Variants in MAP2K4 observed in about 807,000 individuals in gnomAD.
The protein encoded by MAP2K4 is dual specificity mitogen-activated protein kinase kinase 4.
A neutral mutation model predicts 48.5 loss-of-function variants in MAP2K4; 4 were observed. That is an observed-to-expected ratio of 0.08 (90% CI 0.04 to 0.19). The LOEUF (loss-of-function observed/expected upper bound fraction) is 0.19. MAP2K4 is among the 10% of genes least tolerant of loss of function. MAP2K4 has a pLI of 1.00. For missense variants in MAP2K4, 258 were observed against 493.3 expected, an observed-to-expected ratio of 0.52 and a Z score of 4.52; for synonymous variants, 166 against 173.1, an observed-to-expected ratio of 0.96 and a Z score of 0.32.
At chr17:12,118,547 T>C (rs572526250) in intron 7 of MAP2K4, among the ~76,000 whole-genome samples, 3 of 152,338 alleles carry the variant, frequency 2.0e-5, no homozygotes, top group Admixed American at 6.5e-5. Context: ...GTGAAAGATT[T>C]TGTTATCCAT....
Position 12,025,908 on chromosome 17 carries a change from A to G in MAP2K4, c.115+4907A>G, listed in dbSNP as rs947714748. 3.9e-5 allele frequency among the ~76,000 whole-genome samples: 6 copies of G among 152,144 alleles called. No homozygotes were observed. In the South Asian group the frequency reaches 6.2e-4, roughly 16 times the overall value. On this transcript the variant is annotated intron_variant, in intron 1 of 10. Coordinates refer to ENST00000353533, the MANE Select transcript of MAP2K4 (RefSeq NM_003010.4). ...TTTTCGAGAACCATGGGAGACCTTTATCTTAATTTTAAAGAACTGATTTGT... is the reference window on the plus strand; with the variant it reads ...TTTTCGAGAACCATGGGAGACCTTTGTCTTAATTTTAAAGAACTGATTTGT...
intron 1 of MAP2K4, among the ~76,000 whole-genome samples, chr17:12,054,426 C>T (rs1044987087): frequency 4.6e-5 from 7 of 152,040 alleles, no homozygotes; most frequent in Non-Finnish European, 7.4e-5. Flanking sequence ...GAAGTTTACT[C>T]TACCGTAATG....
intron 2 of MAP2K4, among the ~76,000 whole-genome samples, chr17:12,076,051 G>T (rs1213103654): frequency 1.3e-5 from 2 of 152,108 alleles, no homozygotes; most frequent in Non-Finnish European, 2.9e-5. Context: ...TACTGCTGCT[G>T]AATTTGCACA....
intron 5 of MAP2K4, among the ~76,000 whole-genome samples, chr17:12,108,557 T>TTTGTG (rs28923216): frequency 6.6e-6 from 1 of 151,418 alleles, no homozygotes; most frequent in Non-Finnish European, 1.5e-5. Context: ...CTCTGAATCT[T>TTTGTG]AATTTTTTTT....
At chr17:12,070,427 A>T (rs1421542774) in intron 2 of MAP2K4, among the ~76,000 whole-genome samples, 1 of 152,072 alleles carries the variant, frequency 6.6e-6, no homozygotes, top group Non-Finnish European at 1.5e-5. Context: ...CCCTAATTCC[A>T]CTCTCTGTTG....
chr17:12,102,745 C>T (rs1000999777), intron 4 of MAP2K4, among the ~76,000 whole-genome samples: 4 of 151,912 alleles, frequency 2.6e-5, no homozygotes, highest in Admixed American at 6.6e-5. Context: ...GTCGAGTGAT[C>T]TTTGGTATTT....
intron 1 of MAP2K4, among the ~76,000 whole-genome samples, chr17:12,035,102 C>T (rs1250350836): frequency 6.6e-6 from 1 of 152,132 alleles, no homozygotes; most frequent in Non-Finnish European, 1.5e-5. Context: ...TAAATCTGGT[C>T]CTGTGATTTG....
intron 2 of MAP2K4, among the ~76,000 whole-genome samples, chr17:12,080,824 A>G (rs559599274): frequency 9.8e-4 from 150 of 152,300 alleles, no homozygotes; most frequent in Non-Finnish European, 1.6e-3. Context: ...TGTAATTGCT[A>G]TGGGACGATA....
intron 2 of MAP2K4, among the ~76,000 whole-genome samples, chr17:12,065,318 A>G (rs1159808690): frequency 1.3e-4 from 14 of 108,784 alleles, no homozygotes; most frequent in Admixed American, 7.9e-4. Flanking sequence ...TTTTTTTTTG[A>G]GACAGAGTCT....
intron 1 of MAP2K4, among the ~76,000 whole-genome samples, chr17:12,047,680 TCAAA>T (rs1402167471): frequency 4.6e-5 from 7 of 152,244 alleles, no homozygotes; most frequent in South Asian, 4.1e-4. Flanking sequence ...TTAAACGCTA[TCAAA>T]CAAACATTTT....
In MAP2K4 at chr17:12,071,192, G is replaced by A. The variant is rs540284729; in HGVS notation, c.219-10164G>A. Reference sequence around the variant, plus strand: ...TTTTTTGAGATCTTTAATTTTATCCGTAAAGATAGGTTACTTTCTGAGATT... The same window carrying A: ...TTTTTTGAGATCTTTAATTTTATCCATAAAGATAGGTTACTTTCTGAGATT... On this transcript the variant is annotated intron_variant, in intron 2 of 10. Coordinates refer to ENST00000353533, the MANE Select transcript of MAP2K4 (RefSeq NM_003010.4). Among the ~76,000 whole-genome samples the A allele has an allele frequency of 3.3e-5, 5 of 152,208 alleles. No individual in the cohort carries two copies. The East Asian group carries it at 5.8e-4, about 18-fold the overall frequency.
intron 3 of MAP2K4, among the ~76,000 whole-genome samples, chr17:12,086,882 C>T (rs907796567): frequency 4.3e-4 from 65 of 151,838 alleles, no homozygotes; most frequent in African/African-American, 1.4e-3. Context: ...AGTTTCACTG[C>T]GTCGCCCAGG....
At chr17:12,078,228 C>G (rs1167088752) in intron 2 of MAP2K4, among the ~76,000 whole-genome samples, 1 of 152,132 alleles carries the variant, frequency 6.6e-6, no homozygotes, top group Non-Finnish European at 1.5e-5. Context: ...TAGTTACTGC[C>G]ACAGCGGCTG....
In MAP2K4 at chr17:12,112,053, C is replaced by G. The variant is rs143537638; in HGVS notation, c.686-1180C>G. On this transcript the variant is annotated intron_variant, in intron 6 of 10. Transcript: ENST00000353533. ...GAAGTGCCTCATGCCCTTAAACCAGCTACTATCAAGAAGCATGAGACTACC... is the reference window on the plus strand; with the variant it reads ...GAAGTGCCTCATGCCCTTAAACCAGGTACTATCAAGAAGCATGAGACTACC... Among the ~76,000 whole-genome samples the G allele has an allele frequency of 9.9e-5, 15 of 152,284 alleles. No individual in the cohort carries two copies. The East Asian group carries it at 2.9e-3, about 29-fold the overall frequency.
chr17:12,099,998 A>G (rs1971886233), intron 4 of MAP2K4, among the ~76,000 whole-genome samples: 1 of 152,068 alleles, frequency 6.6e-6, no homozygotes, highest in South Asian at 2.1e-4. Context: ...CCCCTTTTTT[A>G]TCCTTACTTC....
chr17:12,066,835 G>C (rs1223173965), intron 2 of MAP2K4, among the ~76,000 whole-genome samples: 3 of 152,072 alleles, frequency 2.0e-5, no homozygotes, highest in Admixed American at 1.3e-4. Flanking sequence ...GACTACAGGC[G>C]CCCGCCACTG....
rs190190304 is a variant in MAP2K4, at chr17:12,141,461, T to G, written c.*201T>G. ...TACCTGATTGATCACACAGTGTTAGTGCTGGTCAGAGAGACCTCATCCTGC... is the reference window on the plus strand; with the variant it reads ...TACCTGATTGATCACACAGTGTTAGGGCTGGTCAGAGAGACCTCATCCTGC... On this transcript the variant is annotated 3_prime_UTR_variant, in exon 11 of 11. Coordinates refer to ENST00000353533, the MANE Select transcript of MAP2K4 (RefSeq NM_003010.4). 4 of 585,280 alleles carry G rather than the reference T, an allele frequency of 6.8e-6. No individual in the cohort carries two copies. The East Asian group carries it at 1.1e-4, about 16-fold the overall frequency. 36.3% of individuals were successfully genotyped at this position (585,280 alleles called of 1,614,324 possible).
At chr17:12,047,606 A>G (rs577605061) in intron 1 of MAP2K4, among the ~76,000 whole-genome samples, 52 of 152,332 alleles carry the variant, frequency 3.4e-4, no homozygotes, top group African/African-American at 1.2e-3. Flanking sequence ...TTTTTATGGG[A>G]AAGTGGTTTT....
At chr17:12,122,385 G>C (rs1222507031) in intron 7 of MAP2K4, among the ~76,000 whole-genome samples, 1 of 152,142 alleles carries the variant, frequency 6.6e-6, no homozygotes, top group Non-Finnish European at 1.5e-5. Flanking sequence ...TTTCAGGCAT[G>C]TCCTTAACCG....
Sources: gnomAD v4.1 joint callset for allele counts (sites outside exome capture counted in the v4.1 genomes callset) on GRCh38, gnomAD v4.1.1 for gene constraint, MANE v1.5 for transcripts, NCBI Gene and HGNC (gene_info 2026-07-23, HGNC 2026-07-21) for gene names.